Variants in RIPK1 observed in about 807,000 individuals in gnomAD.
RIPK1 encodes the protein receptor interacting serine/threonine kinase 1.
Under a neutral mutation model 62.4 loss-of-function variants are expected in RIPK1, and 27 were observed. That is an observed-to-expected ratio of 0.43 (90% CI 0.32 to 0.60). RIPK1 has a LOEUF of 0.60. Among genes scored for constraint, RIPK1 ranks in the 20% least tolerant of loss-of-function variants. The pLI is 0.07. For missense variants in RIPK1, 735 were observed against 831.0 expected (o/e 0.88, Z 1.42); for synonymous variants, 287 against 303.2 (o/e 0.95, Z 0.55).
At chr6:3,068,424 C>G (rs1035574519), upstream of RIPK1, 34 of 985,324 alleles carry the variant, frequency 3.5e-5, no homozygotes, top group Non-Finnish European at 3.7e-5. Flanking sequence ...GTCCCACGAG[C>G]GGCGGGGCGG....
chr6:3,088,364 TGGAC>T (rs768654853), intron 6 of RIPK1, among the ~76,000 whole-genome samples: 6 of 152,240 alleles, frequency 3.9e-5, no homozygotes, highest in Non-Finnish European at 8.8e-5. Context: ...TCATTACTAC[TGGAC>T]AATGTTAAAA....
Position 3,114,439 on chromosome 6 carries a change from G to C in RIPK1, c.*1100G>C, listed in dbSNP as rs1324165666. On this transcript the variant is annotated 3_prime_UTR_variant, in exon 11 of 11. Coordinates refer to ENST00000259808, the MANE Select transcript of RIPK1 (RefSeq NM_001354930.2). The surrounding 1 kb of genome is among the most constrained non-coding windows in gnomAD (Gnocchi z 5.0). Reference sequence around the variant, plus strand: ...AAAGCCCACCTGAAACCTGGGGGTGGATGAAAGAACTAGAATAGAAGACTG... The same window carrying C: ...AAAGCCCACCTGAAACCTGGGGGTGCATGAAAGAACTAGAATAGAAGACTG... The C allele has an allele frequency of 6.6e-6, 1 of 152,232 alleles. No individual in the cohort carries two copies. Among genetic ancestry groups the C allele is most frequent in the Non-Finnish European group, 1.5e-5 (1 of 68,044 alleles). 9.4% of individuals were successfully genotyped at this position (152,232 alleles called of 1,614,324 possible). A position where few individuals can be genotyped will look rare whatever the true frequency, so the allele number is the denominator to read the frequency against.
Position 3,085,383 on chromosome 6 carries a change from T to C in RIPK1, c.813T>C (p.Asn271=). Residue 271 remains asparagine (N), a synonymous_variant, in exon 6 of 11, where the codon AAT becomes AAC. Coordinates refer to ENST00000259808, the MANE Select transcript of RIPK1 (RefSeq NM_001354930.2). ...TCATGAAGCTCTGCTGGGAAGCGAATCCGGAAGCTCGGCCGACATTTCCTG... is the reference window on the plus strand; with the variant it reads ...TCATGAAGCTCTGCTGGGAAGCGAACCCGGAAGCTCGGCCGACATTTCCTG... ...ISLMKLCWEA[N]PEARPTFPGI... is the part of the protein sequence containing the mutation. 1 of 1,614,204 alleles carries C rather than the reference T, an allele frequency of 6.2e-7. No individual in the cohort carries two copies.
At chr6:3,104,530 A>G (rs1760738927) in intron 8 of RIPK1, among the ~76,000 whole-genome samples, 1 of 152,216 alleles carries the variant, frequency 6.6e-6, no homozygotes, top group Non-Finnish European at 1.5e-5. Context: ...AGTGTTCTGA[A>G]CAAAAGGCCT....
intron 7 of RIPK1, among the ~76,000 whole-genome samples, chr6:3,098,087 T>C (rs1175246846): frequency 1.3e-5 from 2 of 152,152 alleles, no homozygotes; most frequent in African/African-American, 4.8e-5. Context: ...CGGTCCCAGC[T>C]ACTCAGGAGG....
chr6:3,073,449 C>T (rs1027822997), intron 1 of RIPK1, among the ~76,000 whole-genome samples: 1 of 152,062 alleles, frequency 6.6e-6, no homozygotes, highest in African/African-American at 2.4e-5. Context: ...AGAGTTCACG[C>T]TCATAGTGGA....
Sources: gnomAD v4.1 joint callset for allele counts (sites outside exome capture counted in the v4.1 genomes callset) on GRCh38, gnomAD v4.1.1 for gene constraint, Gnocchi (gnomAD v3.1) non-coding constraint, MANE v1.5 for transcripts, NCBI Gene and HGNC (gene_info 2026-07-23, HGNC 2026-07-21) for gene names.